NEK11: variants seen among roughly 807,000 people sequenced by gnomAD.
The protein encoded by NEK11 is serine/threonine-protein kinase Nek11.
Under a neutral mutation model 80.7 loss-of-function variants are expected in NEK11, and 72 were observed. The observed-to-expected ratio is 0.89, with a 90% CI of 0.74 to 1.08. The LOEUF is 1.08. NEK11 is among the 50% of genes least tolerant of loss of function. The pLI, the probability that NEK11 is intolerant of heterozygous loss-of-function variation, is 0.00. For synonymous variants in NEK11, 251 were observed against 260.7 expected (o/e 0.96, Z 0.36); for missense variants, 764 against 763.6 (o/e 1.00, Z -0.01).
intron 16 of NEK11, among the ~76,000 whole-genome samples, chr3:131,262,396 A>G (rs1561258500): frequency 1.3e-5 from 2 of 152,192 alleles, no homozygotes; most frequent in Non-Finnish European, 2.9e-5. Flanking sequence ...AAAAAGAAAT[A>G]GAAAACCTGA....
At chr3:131,096,709 T>A (rs939092181) in intron 4 of NEK11, among the ~76,000 whole-genome samples, 3 of 151,896 alleles carry the variant, frequency 2.0e-5, no homozygotes, top group Non-Finnish European at 4.4e-5. Flanking sequence ...TGACTTTTTA[T>A]TTTAATTTAA....
At chr3:131,199,580 T>A (rs2094152019) in intron 14 of NEK11, among the ~76,000 whole-genome samples, 1 of 152,026 alleles carries the variant, frequency 6.6e-6, no homozygotes, top group African/African-American at 2.4e-5. Flanking sequence ...CTCTGGGTGT[T>A]GAGAATACAA....
Position 131,132,815 on chromosome 3 carries a change from A to T in NEK11, c.520+6A>T. ...AAATAATCTCCTTAAAATTGGTAAG[A>T]TTTTAAAAAGTATGAATTCCAAAAA... On this transcript the variant is annotated splice_donor_region_variant and intron_variant, in intron 6 of 17. Transcript: ENST00000383366. 2 of 1,364,402 alleles carry T rather than the reference A, an allele frequency of 1.5e-6. No homozygotes were observed. Among genetic ancestry groups the T allele is most frequent in the Non-Finnish European group, 2.0e-6 (2 of 981,432 alleles). 84.5% of individuals were successfully genotyped at this position (1,364,402 alleles called of 1,614,324 possible).
intron 14 of NEK11, among the ~76,000 whole-genome samples, chr3:131,179,226 G>A (rs1198319634): frequency 6.6e-6 from 1 of 152,294 alleles, no homozygotes; most frequent in African/African-American, 2.4e-5. Flanking sequence ...AACCGAACCT[G>A]CTGTTGCCTT....
At position 131,243,367 on chromosome 3, in the gene NEK11, A is replaced by G. The variant is rs543336322; in HGVS notation, c.1561-69A>G. On this transcript the variant is annotated intron_variant, in intron 15 of 17. Coordinates refer to ENST00000383366, the MANE Select transcript of NEK11 (RefSeq NM_024800.5). ...TTTTTCGCCTAAATGTAGTAAGAAC[A>G]TTTTTCCATGTTATTAAGTATCCTT... The G allele has an allele frequency of 4.9e-6, 7 of 1,440,608 alleles. No homozygotes were observed. The East Asian group carries it at 1.4e-4, about 28-fold the overall frequency. 89.2% of individuals were successfully genotyped at this position (1,440,608 alleles called of 1,614,324 possible). A position where few individuals can be genotyped will look rare whatever the true frequency, so the allele number is the denominator to read the frequency against.
intron 15 of NEK11, among the ~76,000 whole-genome samples, chr3:131,242,420 C>A (rs890054841): frequency 6.6e-6 from 1 of 152,114 alleles, no homozygotes; most frequent in Non-Finnish European, 1.5e-5. Flanking sequence ...TAGCAAGATG[C>A]AGTTACTCTC....
intron 9 of NEK11, chr3:131,154,819 T>G: frequency 2.0e-6 from 1 of 507,954 alleles, no homozygotes; most frequent in Non-Finnish European, 3.5e-6. Flanking sequence ...CAGTGCAAGA[T>G]GAAGCTGGAG....
intron 7 of NEK11, among the ~76,000 whole-genome samples, chr3:131,148,891 G>A (rs2089021986): frequency 6.6e-6 from 1 of 151,678 alleles, no homozygotes; most frequent in African/African-American, 2.4e-5. Flanking sequence ...TATTTATGGG[G>A]CACATGTGAT....
At chr3:131,076,926 TTGAA>T (rs2074450695) in intron 3 of NEK11, among the ~76,000 whole-genome samples, 2 of 152,212 alleles carry the variant, frequency 1.3e-5, no homozygotes, top group Non-Finnish European at 2.9e-5. Flanking sequence ...ATGCTGCTGG[TTGAA>T]TGGGGAAAAT....
At chr3:131,168,244 C>A (rs2092400755) in intron 12 of NEK11, among the ~76,000 whole-genome samples, 1 of 152,218 alleles carries the variant, frequency 6.6e-6, no homozygotes, top group Non-Finnish European at 1.5e-5. Context: ...ATAGTATTCT[C>A]AAACTTGAAA....
intron 13 of NEK11, among the ~76,000 whole-genome samples, chr3:131,170,231 C>A (rs750358243): frequency 1.3e-5 from 2 of 152,138 alleles, no homozygotes; most frequent in African/African-American, 4.8e-5. Flanking sequence ...TCTTGAAATA[C>A]CTATTGATTT....
chr3:131,152,762 A>G, intron 9 of NEK11, 53 bp downstream of exon 9: 4 of 1,228,790 alleles, frequency 3.3e-6, no homozygotes, highest in Non-Finnish European at 4.8e-6. Flanking sequence ...TTGTATACAC[A>G]TTCCATGACT....
intron 17 of NEK11, among the ~76,000 whole-genome samples, chr3:131,344,149 T>C (rs2097327529): frequency 6.6e-6 from 1 of 152,228 alleles, no homozygotes; most frequent in Non-Finnish European, 1.5e-5. Context: ...CATAGGTTGT[T>C]AGAAGCAGCC....
chr3:131,335,724 G>A (rs1016452940), intron 17 of NEK11, among the ~76,000 whole-genome samples: 81 of 152,294 alleles, frequency 5.3e-4, no homozygotes, highest in African/African-American at 1.9e-3. Context: ...AAACCCCACT[G>A]TCTCAGCCCA....
intron 17 of NEK11, among the ~76,000 whole-genome samples, chr3:131,326,778 T>C (rs918668815): frequency 1.3e-5 from 2 of 152,190 alleles, no homozygotes; most frequent in African/African-American, 4.8e-5. Flanking sequence ...CTCTGCTAGG[T>C]CATGCTCTGT....
At chr3:131,085,732 G>A in intron 4 of NEK11, among the ~76,000 whole-genome samples, 1 of 152,166 alleles carries the variant, frequency 6.6e-6, no homozygotes, top group East Asian at 1.9e-4. Context: ...TATGTTTGCA[G>A]TTAAATACAT....
intron 14 of NEK11, among the ~76,000 whole-genome samples, chr3:131,213,211 A>ACC (rs2094695694): frequency 1.3e-5 from 2 of 151,730 alleles, no homozygotes; most frequent in South Asian, 4.2e-4. Context: ...ACACACACAC[A>ACC]CACATCCCAT....
At chr3:131,141,398 A>G (rs1349221508) in intron 7 of NEK11, among the ~76,000 whole-genome samples, 1 of 152,132 alleles carries the variant, frequency 6.6e-6, no homozygotes, top group African/African-American at 2.4e-5. Flanking sequence ...TTTCAGGTAA[A>G]AAGACCCAAT....
intron 16 of NEK11, among the ~76,000 whole-genome samples, chr3:131,248,229 T>C (rs936468014): frequency 2.0e-5 from 3 of 152,140 alleles, no homozygotes; most frequent in Non-Finnish European, 4.4e-5. Context: ...GCTGTAGATG[T>C]GTCATATATG....
Sources: allele counts gnomAD v4.1 joint callset (sites outside exome capture counted in the v4.1 genomes callset), GRCh38; gene constraint gnomAD v4.1.1; transcripts MANE v1.5; gene names NCBI Gene and HGNC (gene_info 2026-07-23, HGNC 2026-07-21).